The following DMD variants were observed in gnomAD, a reference collection of about 807,000 sequenced individuals.
The protein encoded by DMD is mutant dystrophin.
Under a neutral mutation model 330.1 loss-of-function variants are expected in DMD, and 63 were observed. That is an observed-to-expected ratio of 0.19 (90% CI 0.16 to 0.24). The LOEUF is 0.24. Among genes scored for constraint, DMD ranks in the 10% least tolerant of loss-of-function variants. The pLI is 1.00. For missense variants in DMD, 3,344 were observed against 2,684.1 expected, an observed-to-expected ratio of 1.25 and a Z score of -5.43; for synonymous variants, 1,223 against 959.8, an observed-to-expected ratio of 1.27 and a Z score of -5.07.
At chrX:31,640,725 A>G (rs1437766477) in intron 54 of DMD, among the ~76,000 whole-genome samples, 1 of 112,414 alleles carries the variant, frequency 8.9e-6, no homozygotes. Flanking sequence ...TATTCTGTGT[A>G]ATTCTGTAAA....
At chrX:32,167,847 C>T (rs755361002) in intron 44 of DMD, among the ~76,000 whole-genome samples, 8 of 112,161 alleles carry the variant, frequency 7.1e-5, no homozygotes, top group Non-Finnish European at 1.5e-4. Flanking sequence ...CTTCCACCAC[C>T]ACTCCTTGTC....
chrX:31,334,307 ACT>A (rs931517358), intron 61 of DMD, among the ~76,000 whole-genome samples: 15 of 112,046 alleles, frequency 1.3e-4, no homozygotes, highest in Non-Finnish European at 2.3e-4. Context: ...GCATCTTGTG[ACT>A]CTTGCTAGGT....
intron 50 of DMD, 30 bp downstream of exon 50, chrX:31,819,945 G>A: frequency 8.8e-7 from 1 of 1,135,766 alleles, no homozygotes; most frequent in Non-Finnish European, 1.2e-6. Context: ...AATAGCTAGA[G>A]CCAAAGAGAA....
In DMD at chrX:32,687,241, T is replaced by A. The variant is rs1389821489; in HGVS notation, c.960+10629A>T. On this transcript the variant is annotated intron_variant, in intron 9 of 78. Transcript: ENST00000357033. ...TCATCAGTAAGTAGAGTGCACTTTA[T>A]TGAACACCTGTTAGGCACCATGCTA... Among the ~76,000 whole-genome samples, 4 of 112,180 alleles carry A rather than the reference T, an allele frequency of 3.6e-5. No individual in the cohort carries two copies. In the East Asian group the frequency reaches 1.1e-3, roughly 31 times the overall value.
chrX:32,457,796 G>A (rs1244553743), intron 25 of DMD, among the ~76,000 whole-genome samples: 1 of 110,283 alleles, frequency 9.1e-6, no homozygotes, highest in African/African-American at 3.3e-5. Flanking sequence ...TACTGACCCA[G>A]AGAAAGACAA....
intron 44 of DMD, among the ~76,000 whole-genome samples, chrX:32,174,715 T>C (rs1349960252): frequency 9.0e-6 from 1 of 111,727 alleles, no homozygotes; most frequent in Admixed American, 9.6e-5. Context: ...ACGTATATTT[T>C]ATTTTCAAAG....
intron 44 of DMD, among the ~76,000 whole-genome samples, chrX:31,986,851 A>G (rs1243027838): frequency 2.7e-5 from 3 of 112,712 alleles, no homozygotes; most frequent in Non-Finnish European, 5.6e-5. Flanking sequence ...TGGGCACAGA[A>G]CAAAAACTAT....
intron 8 of DMD, 48 bp downstream of exon 8, chrX:32,699,064 A>G (rs773664773): frequency 8.9e-7 from 1 of 1,125,593 alleles, no homozygotes; most frequent in Non-Finnish European, 1.2e-6. Flanking sequence ...AAAAATGCAT[A>G]TAAAACAGAA....
intron 51 of DMD, among the ~76,000 whole-genome samples, chrX:31,730,247 G>A (rs1333011728): frequency 8.9e-6 from 1 of 111,795 alleles, no homozygotes; most frequent in African/African-American, 3.3e-5. Flanking sequence ...TGAAGTAGAC[G>A]AGCTAAATCA....
intron 7 of DMD, among the ~76,000 whole-genome samples, chrX:32,746,649 A>T (rs1324056775): frequency 2.7e-5 from 3 of 112,113 alleles, no homozygotes; most frequent in Non-Finnish European, 5.6e-5. Flanking sequence ...GTAATAATCA[A>T]ATCAGGCTAA....
chrX:32,683,229 G>A (rs915355418), intron 9 of DMD, among the ~76,000 whole-genome samples: 1 of 111,006 alleles, frequency 9.0e-6, no homozygotes, highest in African/African-American at 3.3e-5. Context: ...TTGAAAGAAG[G>A]AGTGGCGATT....
At chrX:33,033,732 C>A (rs1401565248) in intron 1 of DMD, among the ~76,000 whole-genome samples, 1 of 109,950 alleles carries the variant, frequency 9.1e-6, no homozygotes, top group Non-Finnish European at 1.9e-5. Context: ...AAAAAAAGCT[C>A]TCATACTAGC....
chrX:32,076,052 CAAAAAAAAAAAAAAAA>C (rs59686294), intron 44 of DMD, among the ~76,000 whole-genome samples: 20 of 18,756 alleles, frequency 1.1e-3, no homozygotes, highest in East Asian at 2.4e-3. Context: ...GACTCTGTCT[CAAAAAAAAAAAAAAAA>C]AAAAAAAAAA....
At chrX:32,171,808 T>C (rs1033101407) in intron 44 of DMD, among the ~76,000 whole-genome samples, 7 of 111,817 alleles carry the variant, frequency 6.3e-5, no homozygotes, top group Non-Finnish European at 1.3e-4. Context: ...ATTCATACAT[T>C]TGATAAACAT....
chrX:32,972,331 C>T (rs1055149713), intron 2 of DMD, among the ~76,000 whole-genome samples: 11 of 110,288 alleles, frequency 1.0e-4, no homozygotes, highest in Non-Finnish European at 2.1e-4. Flanking sequence ...GCATGCACCA[C>T]GACGCTCTGT....
intron 1 of DMD, chrX:33,128,128 A>G (rs2095476315): frequency 8.3e-7 from 1 of 1,205,193 alleles, no homozygotes; most frequent in South Asian, 1.8e-5. Flanking sequence ...TGTTGCATTT[A>G]TCTGCAGCTT....
At chrX:32,100,496 C>A (rs750507384) in intron 44 of DMD, among the ~76,000 whole-genome samples, 4 of 109,788 alleles carry the variant, frequency 3.6e-5, no homozygotes, top group African/African-American at 9.9e-5. Context: ...GTGTTTTCAT[C>A]GCTTCTTCCT....
intron 1 of DMD, chrX:33,128,140 T>C: frequency 8.3e-7 from 1 of 1,208,179 alleles, no homozygotes. Context: ...CTGCAGCTTT[T>C]ACTCACCAGA....
chrX:31,231,647 G>C (rs1466946042), intron 63 of DMD, among the ~76,000 whole-genome samples: 1 of 112,815 alleles, frequency 8.9e-6, no homozygotes, highest in Non-Finnish European at 1.9e-5. Flanking sequence ...GGGAGGCCAA[G>C]GCAGGCAGAT....
Sources: gnomAD v4.1 joint callset for allele counts (sites outside exome capture counted in the v4.1 genomes callset) on GRCh38, gnomAD v4.1.1 for gene constraint, MANE v1.5 for transcripts, NCBI Gene and HGNC (gene_info 2026-07-23, HGNC 2026-07-21) for gene names.